MAGI2: variants seen among roughly 807,000 people sequenced by gnomAD.
MAGI2 encodes membrane-associated guanylate kinase, WW and PDZ domain-containing protein 2.
A neutral mutation model predicts 133.3 loss-of-function variants in MAGI2; 35 were observed. The observed-to-expected ratio is 0.26, with a 90% CI of 0.20 to 0.35. The LOEUF is 0.35. Among genes scored for constraint, MAGI2 ranks in the 10% least tolerant of loss-of-function variants. The pLI, the probability that MAGI2 is intolerant of heterozygous loss-of-function variation, is 1.00. For synonymous variants in MAGI2, 729 were observed against 710.6 expected (o/e 1.03, Z -0.41); for missense variants, 1,636 against 1,863.4 (o/e 0.88, Z 2.25).
chr7:78,582,106 G>A (rs1444511744), intron 3 of MAGI2, among the ~76,000 whole-genome samples: 3 of 152,186 alleles, frequency 2.0e-5, no homozygotes, highest in Non-Finnish European at 4.4e-5. Flanking sequence ...CAGATGCAAA[G>A]GTACCATGTT....
intron 18 of MAGI2, among the ~76,000 whole-genome samples, chr7:78,129,042 G>A (rs1821279717): frequency 6.6e-6 from 1 of 152,196 alleles, no homozygotes; most frequent in African/African-American, 2.4e-5. Flanking sequence ...ATGTCACACT[G>A]TTTTAAGTTA....
At chr7:78,461,916 CAAAAAAAAAAAAAAAAAAA>C (rs55811983) in intron 6 of MAGI2, among the ~76,000 whole-genome samples, 2 of 30,538 alleles carry the variant, frequency 6.5e-5, no homozygotes, top group Non-Finnish European at 1.3e-4. Context: ...AATTCCGTCT[CAAAAAAAAAAAAAAAAAAA>C]AAAAAAAAAA....
At chr7:78,871,696 C>A (rs1001091720) in intron 2 of MAGI2, among the ~76,000 whole-genome samples, 1 of 151,496 alleles carries the variant, frequency 6.6e-6, no homozygotes, top group South Asian at 2.1e-4. Context: ...ACCTAACTTA[C>A]GTAAGAGAGA....
chr7:78,828,139 C>T (rs1443511496), intron 2 of MAGI2, among the ~76,000 whole-genome samples: 1 of 152,224 alleles, frequency 6.6e-6, no homozygotes, highest in Non-Finnish European at 1.5e-5. Flanking sequence ...CCCGCCTTGG[C>T]CTCCCAAAGT....
intron 2 of MAGI2, among the ~76,000 whole-genome samples, chr7:78,912,380 G>C (rs1482148283): frequency 6.6e-6 from 1 of 152,146 alleles, no homozygotes; most frequent in Non-Finnish European, 1.5e-5. Context: ...TGGATTCAAG[G>C]ATACAAAGTA....
At chr7:79,276,747 T>C (rs764597716) in intron 1 of MAGI2, among the ~76,000 whole-genome samples, 3 of 152,158 alleles carry the variant, frequency 2.0e-5, no homozygotes, top group Non-Finnish European at 4.4e-5. Flanking sequence ...GCAGATCGCT[T>C]GAGCCCAGAA....
chr7:78,306,815 A>G (rs1798276773), intron 9 of MAGI2, among the ~76,000 whole-genome samples: 1 of 152,172 alleles, frequency 6.6e-6, no homozygotes, highest in Non-Finnish European at 1.5e-5. Context: ...GGTTTTAAGA[A>G]TAATGTTTAT....
At chr7:78,610,153 A>C (rs925249516) in intron 3 of MAGI2, among the ~76,000 whole-genome samples, 2 of 152,188 alleles carry the variant, frequency 1.3e-5, no homozygotes, top group East Asian at 3.9e-4. Context: ...AATTCAGAGC[A>C]TACATGGTCT....
At chr7:78,818,865 A>G (rs932232617) in intron 2 of MAGI2, among the ~76,000 whole-genome samples, 1 of 152,136 alleles carries the variant, frequency 6.6e-6, no homozygotes, top group African/African-American at 2.4e-5. Context: ...TTTTCATGAC[A>G]TATGAGGGGT....
In MAGI2 at chr7:78,744,752, C is replaced by T. The variant is rs1393507918; in HGVS notation, c.419-117513G>A. 8.5e-5 allele frequency among the ~76,000 whole-genome samples: 13 copies of T among 152,166 alleles called. 1 individual carries two copies. On this transcript the variant is annotated intron_variant, in intron 2 of 21. Coordinates refer to ENST00000354212, the MANE Select transcript of MAGI2 (RefSeq NM_012301.4). ...CAATACTCCTGCCTTCACTTTTAAA[C>T]TTTAGCAGTGATTTGGTTTTAAAAC...
intron 1 of MAGI2, among the ~76,000 whole-genome samples, chr7:79,222,985 C>T (rs1352128924): frequency 2.0e-5 from 3 of 151,896 alleles, no homozygotes; most frequent in Admixed American, 6.6e-5. Context: ...CCCGGGTTCA[C>T]GCCATTCTCC....
At chr7:79,423,641 A>G (rs1235853344) in intron 1 of MAGI2, among the ~76,000 whole-genome samples, 1 of 152,122 alleles carries the variant, frequency 6.6e-6, no homozygotes, top group Non-Finnish European at 1.5e-5. Context: ...TATGCAGGTT[A>G]TGCCATTTCT....
At chr7:78,035,567 C>T (rs979589240) in intron 21 of MAGI2, among the ~76,000 whole-genome samples, 3 of 152,104 alleles carry the variant, frequency 2.0e-5, no homozygotes, top group South Asian at 2.1e-4. Flanking sequence ...TTTTTCAGAA[C>T]GTCTCTCGGG....
rs558211696 is a variant in MAGI2, at chr7:78,045,003, C to T, written c.3707-25027G>A. 4.6e-5 allele frequency among the ~76,000 whole-genome samples: 7 copies of T among 152,188 alleles called. No homozygotes were observed. In the South Asian group the frequency reaches 1.5e-3, roughly 32 times the overall value. Reference sequence around the variant, plus strand: ...CCAACACGGTGAAACCCCGTCTCTACTAGAAATACAAAAATTAGTCGGGCG... The same window carrying T: ...CCAACACGGTGAAACCCCGTCTCTATTAGAAATACAAAAATTAGTCGGGCG... On this transcript the variant is annotated intron_variant, in intron 21 of 21. Coordinates refer to ENST00000354212, the MANE Select transcript of MAGI2 (RefSeq NM_012301.4).
intron 1 of MAGI2, chr7:79,173,015 G>T (rs1825757556): frequency 6.6e-6 from 1 of 151,834 alleles, no homozygotes; most frequent in Admixed American, 6.6e-5. Context: ...TAGCTATTAT[G>T]ATTACTATTA....
At chr7:79,394,402 C>G (rs188687278) in intron 1 of MAGI2, among the ~76,000 whole-genome samples, 1 of 152,206 alleles carries the variant, frequency 6.6e-6, no homozygotes, top group Admixed American at 6.5e-5. Flanking sequence ...CTGATTGTGC[C>G]GATTCCTGTT....
At chr7:78,555,128 T>G (rs1799675108) in intron 3 of MAGI2, among the ~76,000 whole-genome samples, 1 of 132,644 alleles carries the variant, frequency 7.5e-6, no homozygotes, top group Non-Finnish European at 1.6e-5. Context: ...AGTGAGGCAC[T>G]GTCAGAAATA....
chr7:78,946,393 T>C (rs891750427), intron 2 of MAGI2, among the ~76,000 whole-genome samples: 2 of 152,190 alleles, frequency 1.3e-5, no homozygotes, highest in African/African-American at 4.8e-5. Context: ...ATGTAAACAG[T>C]TGATCTCTTA....
At chr7:79,395,616 TTA>T (rs1180828191) in intron 1 of MAGI2, among the ~76,000 whole-genome samples, 1 of 152,206 alleles carries the variant, frequency 6.6e-6, no homozygotes, top group Non-Finnish European at 1.5e-5. Context: ...CTCTAAAAGT[TTA>T]TGTTCTACAA....
Sources: gnomAD v4.1 joint callset for allele counts (sites outside exome capture counted in the v4.1 genomes callset) on GRCh38, gnomAD v4.1.1 for gene constraint, MANE v1.5 for transcripts, NCBI Gene and HGNC (gene_info 2026-07-23, HGNC 2026-07-21) for gene names.